Variants in CSMD1 observed in about 807,000 individuals in gnomAD.
The protein encoded by CSMD1 is CUB and Sushi multiple domains 1.
A neutral mutation model predicts 417.5 loss-of-function variants in CSMD1; 213 were observed. The observed-to-expected ratio is 0.51, with a 90% CI of 0.46 to 0.57. The LOEUF (loss-of-function observed/expected upper bound fraction) is 0.57, where lower values mean the gene tolerates loss of function less well. Among genes scored for constraint, CSMD1 ranks in the 20% least tolerant of loss-of-function variants. The pLI is 0.00. For synonymous variants in CSMD1, 2,862 were observed against 1,736.8 expected (o/e 1.65, Z -16.11); for missense variants, 6,923 against 4,529.7 (o/e 1.53, Z -15.17).
intron 5 of CSMD1, among the ~76,000 whole-genome samples, chr8:3,885,833 C>A (rs1272750925): frequency 1.3e-5 from 2 of 152,066 alleles, no homozygotes; most frequent in Non-Finnish European, 2.9e-5. Flanking sequence ...TGTGTCTGAC[C>A]TGGCAAACGT....
intron 4 of CSMD1, among the ~76,000 whole-genome samples, chr8:4,031,056 G>A (rs1447897346): frequency 6.6e-6 from 1 of 152,124 alleles, no homozygotes; most frequent in Non-Finnish European, 1.5e-5. Context: ...TTTGGTCAAA[G>A]CTATTCAACA....
At chr8:3,667,277 A>T (rs1231062006) in intron 7 of CSMD1, among the ~76,000 whole-genome samples, 1 of 152,150 alleles carries the variant, frequency 6.6e-6, no homozygotes, top group Admixed American at 6.5e-5. Context: ...GATATGTCAG[A>T]TTATAAGGGT....
chr8:3,619,348 G>A (rs979469368), intron 7 of CSMD1, among the ~76,000 whole-genome samples: 4 of 151,334 alleles, frequency 2.6e-5, no homozygotes, highest in Non-Finnish European at 5.9e-5. Flanking sequence ...CTGCAAACAT[G>A]GAGCACGGTA....
At chr8:4,139,944 G>A (rs982201103) in intron 3 of CSMD1, among the ~76,000 whole-genome samples, 10 of 146,784 alleles carry the variant, frequency 6.8e-5, no homozygotes, top group Non-Finnish European at 1.4e-4. Flanking sequence ...AAGTGTGGAT[G>A]GCAGCAAGGG....
At chr8:4,061,231 G>A (rs1442194743) in intron 3 of CSMD1, among the ~76,000 whole-genome samples, 1 of 152,150 alleles carries the variant, frequency 6.6e-6, no homozygotes, top group Non-Finnish European at 1.5e-5. Context: ...GATTAGAGAG[G>A]AAAGAGGAGC....
intron 5 of CSMD1, among the ~76,000 whole-genome samples, chr8:3,863,626 A>T (rs764474734): frequency 6.6e-6 from 1 of 152,128 alleles, no homozygotes; most frequent in Non-Finnish European, 1.5e-5. Context: ...TGTTTTGTTC[A>T]CTTCAGCTAC....
intron 17 of CSMD1, among the ~76,000 whole-genome samples, chr8:3,393,738 G>T (rs1585098228): frequency 6.6e-6 from 1 of 151,298 alleles, no homozygotes. Flanking sequence ...CTATGGCAAA[G>T]ACAAAAAACC....
Position 4,822,403 on chromosome 8 carries a change from A to AT in CSMD1, c.85+171928dup, listed in dbSNP as rs879597352. On this transcript the variant is annotated intron_variant, in intron 1 of 69. Transcript: ENST00000635120. ...TGACCTCAACTGGCCTAGTTTGATG[A>AT]TTTTTTTAAAAAGATAATCTATATG... Among the ~76,000 whole-genome samples, 16 of 152,140 alleles carry AT rather than the reference A, an allele frequency of 1.1e-4. 1 individual carries two copies. The highest frequency in any genetic ancestry group is 1.2e-4 in the Non-Finnish European group (8 of 67,966).
At chr8:3,135,163 G>A (rs570054671) in intron 41 of CSMD1, among the ~76,000 whole-genome samples, 3 of 152,096 alleles carry the variant, frequency 2.0e-5, no homozygotes, top group South Asian at 2.1e-4. Flanking sequence ...CAATCTTCCC[G>A]CCTTGGCTTC....
chr8:4,726,046 C>T (rs1225184660), intron 1 of CSMD1, among the ~76,000 whole-genome samples: 1 of 152,162 alleles, frequency 6.6e-6, no homozygotes, highest in Non-Finnish European at 1.5e-5. Flanking sequence ...GGTGTGAGTT[C>T]ACATCGTGGA....
At chr8:4,204,843 C>T (rs1429729003) in intron 3 of CSMD1, among the ~76,000 whole-genome samples, 1 of 151,634 alleles carries the variant, frequency 6.6e-6, no homozygotes, top group Non-Finnish European at 1.5e-5. Context: ...TTTTTTTTTA[C>T]AAAGACAGGG....
chr8:4,680,555 A>T (rs1805974142), intron 1 of CSMD1, among the ~76,000 whole-genome samples: 1 of 152,214 alleles, frequency 6.6e-6, no homozygotes, highest in South Asian at 2.1e-4. Flanking sequence ...AGCCAGCTTG[A>T]TAGGGGGCCA....
chr8:4,446,745 GTGTGTGTGTC>G (rs1457463718), intron 2 of CSMD1, among the ~76,000 whole-genome samples: 1,657 of 115,676 alleles, frequency 0.014, 24 homozygotes, highest in African/African-American at 0.053. Context: ...GTGTGTGTGT[GTGTGTGTGTC>G]TGTGTGTGTG....
intron 5 of CSMD1, among the ~76,000 whole-genome samples, chr8:3,843,498 A>G (rs1803268308): frequency 6.6e-6 from 1 of 152,198 alleles, no homozygotes; most frequent in African/African-American, 2.4e-5. Context: ...TACATGAAAC[A>G]TGAGACAGAT....
intron 48 of CSMD1, among the ~76,000 whole-genome samples, chr8:3,090,900 T>C (rs568226985): frequency 2.6e-5 from 4 of 152,278 alleles, no homozygotes; most frequent in East Asian, 1.9e-4. Flanking sequence ...CTAATAAATA[T>C]ATTGACTGAT....
chr8:4,572,537 G>C (rs915038082), intron 2 of CSMD1, among the ~76,000 whole-genome samples: 17 of 152,242 alleles, frequency 1.1e-4, no homozygotes, highest in African/African-American at 3.9e-4. Flanking sequence ...TTTCTCTCTA[G>C]CTGCCCTTAG....
intron 46 of CSMD1, among the ~76,000 whole-genome samples, chr8:3,097,615 C>T (rs920136475): frequency 2.6e-5 from 4 of 152,000 alleles, no homozygotes; most frequent in East Asian, 1.9e-4. Flanking sequence ...AGACATAGCC[C>T]GGGGATGATG....
At chr8:3,263,700 A>G (rs867787461) in intron 26 of CSMD1, among the ~76,000 whole-genome samples, 2 of 152,212 alleles carry the variant, frequency 1.3e-5, no homozygotes, top group African/African-American at 2.4e-5. Context: ...ACTGTTCACA[A>G]TAGTATTTGA....
intron 3 of CSMD1, among the ~76,000 whole-genome samples, chr8:4,296,338 T>G (rs1047503993): frequency 1.3e-5 from 2 of 152,148 alleles, no homozygotes; most frequent in Admixed American, 6.6e-5. Context: ...TCAGGGATTA[T>G]GCACTATAAA....
Sources: gnomAD v4.1 joint callset for allele counts (sites outside exome capture counted in the v4.1 genomes callset) on GRCh38, gnomAD v4.1.1 for gene constraint, MANE v1.5 for transcripts, NCBI Gene and HGNC (gene_info 2026-07-23, HGNC 2026-07-21) for gene names.